Variants in SIRT1 observed in about 807,000 individuals in gnomAD.
The protein encoded by SIRT1 is NAD-dependent protein deacetylase sirtuin-1.
A neutral mutation model predicts 67.9 loss-of-function variants in SIRT1; 24 were observed. The ratio of observed to expected loss-of-function variants is 0.35; its 90% CI spans 0.26 to 0.50. SIRT1 has a LOEUF of 0.50. SIRT1 is among the 20% of genes least tolerant of loss of function. SIRT1 has a pLI of 0.98. For synonymous variants in SIRT1, 378 were observed against 350.7 expected, an observed-to-expected ratio of 1.08 and a Z score of -0.87; for missense variants, 873 against 937.2, an observed-to-expected ratio of 0.93 and a Z score of 0.89.
intron 4 of SIRT1, among the ~76,000 whole-genome samples, chr10:67,901,374 A>G (rs1340046415): frequency 1.3e-5 from 2 of 152,072 alleles, no homozygotes; most frequent in Non-Finnish European, 2.9e-5. Context: ...ATATCAAAAC[A>G]GGGCTCTGCT....
At chr10:67,886,285 G>A (rs551418357) in intron 1 of SIRT1, among the ~76,000 whole-genome samples, 42 of 151,508 alleles carry the variant, frequency 2.8e-4, no homozygotes, top group African/African-American at 9.9e-4. Flanking sequence ...CTTGATAGGT[G>A]TTCATCTTTA....
intron 7 of SIRT1, among the ~76,000 whole-genome samples, chr10:67,912,044 G>A (rs1484627545): frequency 2.0e-5 from 3 of 152,104 alleles, no homozygotes; most frequent in Admixed American, 6.5e-5. Context: ...GATTACAGGC[G>A]TGAGCCACTG....
intron 7 of SIRT1, among the ~76,000 whole-genome samples, chr10:67,912,159 T>A (rs1842910466): frequency 6.6e-6 from 1 of 152,276 alleles, no homozygotes; most frequent in East Asian, 1.9e-4. Flanking sequence ...CACCACAGTC[T>A]TGTGGAGAAG....
At chr10:67,902,854 G>A (rs965169686) in intron 4 of SIRT1, among the ~76,000 whole-genome samples, 8 of 152,132 alleles carry the variant, frequency 5.3e-5, no homozygotes, top group Admixed American at 4.6e-4. Context: ...AAGCACTTTG[G>A]GAGGCCAAGG....
intron 4 of SIRT1, among the ~76,000 whole-genome samples, chr10:67,892,215 G>A (rs1410045505): frequency 6.6e-6 from 1 of 152,028 alleles, no homozygotes; most frequent in East Asian, 1.9e-4. Context: ...GTTTTTATAT[G>A]GAAAAAATAC....
chr10:67,887,187 T>A (rs1359851408), intron 1 of SIRT1, among the ~76,000 whole-genome samples: 1 of 152,224 alleles, frequency 6.6e-6, no homozygotes, highest in Non-Finnish European at 1.5e-5. Flanking sequence ...TTCTGTTTTT[T>A]AAGTAGACTT....
At chr10:67,889,317 T>C (rs140656442) in intron 3 of SIRT1, among the ~76,000 whole-genome samples, 194 bp downstream of exon 3, 13 of 152,220 alleles carry the variant, frequency 8.5e-5, no homozygotes, top group Admixed American at 5.9e-4. Context: ...TAAAAAAATA[T>C]TTGCTTCTGC....
intron 3 of SIRT1, among the ~76,000 whole-genome samples, chr10:67,889,545 C>T (rs1042640860): frequency 1.3e-5 from 2 of 152,106 alleles, no homozygotes; most frequent in African/African-American, 4.8e-5. Flanking sequence ...TAACAGATTC[C>T]TACCTTCCCT....
rs538299497 is a variant in SIRT1 at position 67,906,990 on chromosome 10, A to G, written c.1090+53A>G. The G allele has an allele frequency of 9.7e-6, 14 of 1,442,270 alleles. No homozygotes were observed. In the East Asian group the frequency reaches 2.9e-4, roughly 30 times the overall value. 89.3% of individuals were successfully genotyped at this position (1,442,270 alleles called of 1,614,324 possible). A position where few individuals can be genotyped will look rare whatever the true frequency, so the allele number is the denominator to read the frequency against. On this transcript the variant is annotated intron_variant, in intron 5 of 8. Transcript: ENST00000212015. ...TAATTTATTTTAGTTTTATAGGAAG[A>G]TATTTCCTATAAAGCTGACTGCCAT...
At chr10:67,909,634 C>T (rs1310710374) in intron 7 of SIRT1, among the ~76,000 whole-genome samples, 192 bp downstream of exon 7, 6 of 151,094 alleles carry the variant, frequency 4.0e-5, no homozygotes, top group Non-Finnish European at 7.4e-5. Flanking sequence ...GGAGTGCAGT[C>T]GCATATCTTG....
At position 67,885,011 on chromosome 10, in the gene SIRT1, C is replaced by T. The variant is rs550317521; in HGVS notation, c.290C>T (p.Ala97Val). The change falls in exon 1 of 9, where the codon GCG becomes GTG. Residue 97 changes from alanine to valine, a missense_variant. Ala to Val is a moderately conservative substitution (Grantham distance 64). Transcript: ENST00000212015. Reference protein sequence around the residue: ...GGEQEAQATAAAGEGDNGPGL... With the variant: ...GGEQEAQATAVAGEGDNGPGL... The stretch of plus-strand genomic sequence containing the variant: ...GAGCAAGAGGCCCAGGCGACTGCGG[C>T]GGCTGGGGAAGGAGACAATGGGCCG... The T allele has an allele frequency of 7.6e-7, 1 of 1,315,368 alleles. No individual in the cohort carries two copies. 81.5% of individuals were successfully genotyped at this position (1,315,368 alleles called of 1,614,324 possible). A position where few individuals can be genotyped will look rare whatever the true frequency, so the allele number is the denominator to read the frequency against.
In SIRT1 at chr10:67,912,520, T is replaced by G; in HGVS notation, c.1404T>G (p.Pro468=). Residue 468 remains proline (P), a synonymous_variant, in exon 8 of 9, where the codon CCT becomes CCG. Transcript: ENST00000212015. ...EVPQILINRE[P]LPHLHFDVEL... is the part of the protein sequence containing the mutation. ...CTCAGATATTAATTAATAGAGAACC[T>G]TTGCCTCATCTGCATTTTGATGTAG... The G allele has an allele frequency of 2.5e-6, 4 of 1,614,028 alleles. No individual in the cohort carries two copies. Among genetic ancestry groups the G allele is most frequent in the Non-Finnish European group, 3.4e-6 (4 of 1,179,998 alleles).
At chr10:67,906,349 C>CA (rs986073073) in intron 4 of SIRT1, 152 of 1,465,176 alleles carry the variant, frequency 1.0e-4, no homozygotes, top group Admixed American at 2.3e-4. Flanking sequence ...AATGATAAAT[C>CA]AAAAAAAAAT....
chr10:67,909,086 T>C (rs796436004), intron 6 of SIRT1, among the ~76,000 whole-genome samples, 170 bp from the exon 7 acceptor site: 3 of 152,320 alleles, frequency 2.0e-5, no homozygotes, highest in African/African-American at 7.2e-5. Flanking sequence ...TTTCATAGTA[T>C]GTTAATAAAC....
At chr10:67,902,723 A>G (rs1038087867) in intron 4 of SIRT1, among the ~76,000 whole-genome samples, 2 of 152,184 alleles carry the variant, frequency 1.3e-5, no homozygotes, top group Non-Finnish European at 2.9e-5. Flanking sequence ...TCTGAACTAT[A>G]TATAGGAGGG....
chr10:67,909,222 TTC>T, intron 6 of SIRT1, 32 bp from the exon 7 acceptor site: 1 of 1,512,934 alleles, frequency 6.6e-7, no homozygotes, highest in Non-Finnish European at 8.9e-7. Context: ...TACTCTTTGC[TTC>T]TCTACCTCAA....
At chr10:67,894,865 A>G (rs1842628214) in intron 4 of SIRT1, among the ~76,000 whole-genome samples, 2 of 152,048 alleles carry the variant, frequency 1.3e-5, no homozygotes, top group Admixed American at 1.3e-4. Flanking sequence ...ACGTGCCATC[A>G]CGATCAGCAC....
At chr10:67,896,166 C>T (rs1182649824) in intron 4 of SIRT1, among the ~76,000 whole-genome samples, 1 of 152,072 alleles carries the variant, frequency 6.6e-6, no homozygotes, top group Non-Finnish European at 1.5e-5. Context: ...CTTTTTGTTT[C>T]TGAGATAGTT....
rs1340707401 is a variant in SIRT1 at position 67,918,173 on chromosome 10, T to G, written c.*1580T>G. The G allele has an allele frequency of 6.6e-6, 1 of 152,662 alleles. No homozygotes were observed. Among genetic ancestry groups the G allele is most frequent in the Non-Finnish European group, 1.5e-5 (1 of 68,038 alleles). 9.5% of individuals were successfully genotyped at this position (152,662 alleles called of 1,614,324 possible). On this transcript the variant is annotated 3_prime_UTR_variant, in exon 9 of 9. Transcript: ENST00000212015. ...GTGTGCTATAGATGATATTTTAAAT[T>G]GAAAAGTTTGTTTTAAATTATTTTT...
Sources: allele counts gnomAD v4.1 joint callset (sites outside exome capture counted in the v4.1 genomes callset), GRCh38; gene constraint gnomAD v4.1.1; transcripts MANE v1.5; gene names NCBI Gene and HGNC (gene_info 2026-07-23, HGNC 2026-07-21).